CACNA2D1: variants seen among roughly 807,000 people sequenced by gnomAD.
CACNA2D1 encodes the protein voltage-dependent calcium channel subunit alpha-2/delta-1.
A neutral mutation model predicts 171.5 loss-of-function variants in CACNA2D1; 53 were observed. The observed-to-expected ratio is 0.31, with a 90% CI of 0.25 to 0.39. CACNA2D1 has a LOEUF of 0.39. Ranked by LOEUF, CACNA2D1 falls within the 10% of genes least tolerant of loss-of-function variation. The probability of loss-of-function intolerance (pLI) is 1.00; values close to 1 mark genes in which losing one functional copy is unlikely to be tolerated. For missense variants in CACNA2D1, 903 were observed against 1,299.8 expected, an observed-to-expected ratio of 0.69 and a Z score of 4.69; for synonymous variants, 442 against 443.1, an observed-to-expected ratio of 1.00 and a Z score of 0.03.
At chr7:82,350,054 A>G (rs1377811339) in intron 1 of CACNA2D1, among the ~76,000 whole-genome samples, 3 of 152,236 alleles carry the variant, frequency 2.0e-5, no homozygotes, top group African/African-American at 7.2e-5. Context: ...AAATGCAAGA[A>G]TAATTCCACC....
At chr7:82,232,854 A>G (rs1228623193) in intron 3 of CACNA2D1, among the ~76,000 whole-genome samples, 1 of 99,052 alleles carries the variant, frequency 1.0e-5, no homozygotes, top group Non-Finnish European at 1.9e-5. Context: ...ACAGAGCGAG[A>G]TGTCTCCAAA....
chr7:82,359,735 C>T (rs892038126), intron 1 of CACNA2D1, among the ~76,000 whole-genome samples: 2 of 152,122 alleles, frequency 1.3e-5, no homozygotes, highest in Non-Finnish European at 2.9e-5. Context: ...TACAGACATA[C>T]TGTTTTATAT....
chr7:82,165,433 C>A (rs1332234529), intron 4 of CACNA2D1, among the ~76,000 whole-genome samples: 1 of 151,910 alleles, frequency 6.6e-6, no homozygotes, highest in East Asian at 1.9e-4. Context: ...AACTGTGAAA[C>A]CAGTGTTTTT....
At chr7:82,306,519 C>T (rs1353874086) in intron 3 of CACNA2D1, among the ~76,000 whole-genome samples, 1 of 152,180 alleles carries the variant, frequency 6.6e-6, no homozygotes, top group Non-Finnish European at 1.5e-5. Context: ...CATGGACTAT[C>T]CATTGTCACA....
chr7:82,206,046 T>G (rs1184929563), intron 3 of CACNA2D1, among the ~76,000 whole-genome samples: 1 of 152,134 alleles, frequency 6.6e-6, no homozygotes, highest in East Asian at 1.9e-4. Context: ...ACAATTTGTT[T>G]CTGAAGTATA....
intron 3 of CACNA2D1, among the ~76,000 whole-genome samples, chr7:82,185,540 A>G (rs1183998549): frequency 4.7e-4 from 6 of 12,674 alleles, no homozygotes; most frequent in Non-Finnish European, 6.7e-4. Context: ...GAGGGGGAGG[A>G]AGGGGAGGGG....
At position 81,949,553 on chromosome 7, in the gene CACNA2D1, C is replaced by A. The variant is rs1052480982; in HGVS notation, c.*839G>T. 6.6e-6 allele frequency: 1 copy of A among 152,026 alleles called. No homozygotes were observed. The highest frequency in any genetic ancestry group is 2.4e-5 in the African/African-American group (1 of 41,392). The allele number at this position is 152,026 out of a possible 1,614,324, so 9.4% of individuals were successfully genotyped here. A position where few individuals can be genotyped will look rare whatever the true frequency, so the allele number is the denominator to read the frequency against. On this transcript the variant is annotated 3_prime_UTR_variant, in exon 39 of 39. Transcript: ENST00000356860. The stretch of plus-strand genomic sequence containing the variant: ...CACAAGAAAAACATTTCCCCCTCCC[C>A]CCTGACAAGCTTTTCTTAGAGCATT...
chr7:82,353,095 G>A (rs1386025397), intron 1 of CACNA2D1, among the ~76,000 whole-genome samples: 10 of 152,166 alleles, frequency 6.6e-5, no homozygotes, highest in Non-Finnish European at 7.3e-5. Flanking sequence ...AGCTTAAAGG[G>A]AGAACAGAAA....
chr7:82,011,451 G>C (rs74337968), intron 15 of CACNA2D1, among the ~76,000 whole-genome samples: 1 of 152,070 alleles, frequency 6.6e-6, no homozygotes, highest in African/African-American at 2.4e-5. Flanking sequence ...AATGAACTGT[G>C]AGGGGCAAAA....
intron 7 of CACNA2D1, among the ~76,000 whole-genome samples, chr7:82,080,870 G>A (rs145391961): frequency 6.8e-4 from 104 of 152,306 alleles, no homozygotes; most frequent in African/African-American, 2.3e-3. Flanking sequence ...TAAAGAGAAA[G>A]CTGCATTTAG....
intron 1 of CACNA2D1, among the ~76,000 whole-genome samples, chr7:82,421,936 T>C (rs1399495943): frequency 1.3e-5 from 2 of 152,174 alleles, no homozygotes; most frequent in African/African-American, 2.4e-5. Context: ...GTTTCATCCA[T>C]TTATATTCCT....
chr7:82,323,206 C>T (rs1040553040), intron 3 of CACNA2D1, among the ~76,000 whole-genome samples: 6 of 151,916 alleles, frequency 3.9e-5, no homozygotes, highest in African/African-American at 1.5e-4. Flanking sequence ...ACCCAAAACA[C>T]TATTAACTAG....
At chr7:82,176,628 A>G (rs959749978) in intron 3 of CACNA2D1, among the ~76,000 whole-genome samples, 1 of 151,834 alleles carries the variant, frequency 6.6e-6, no homozygotes, top group East Asian at 1.9e-4. Context: ...GGATGAGTTA[A>G]CTTTGGTACA....
intron 3 of CACNA2D1, among the ~76,000 whole-genome samples, chr7:82,332,870 A>T (rs971373257): frequency 9.9e-5 from 15 of 152,098 alleles, no homozygotes; most frequent in Middle Eastern, 3.2e-3. Flanking sequence ...GTGGTGGTAC[A>T]TGCCTGTAGT....
chr7:82,042,929 C>T (rs1464681220), intron 10 of CACNA2D1, among the ~76,000 whole-genome samples: 2 of 152,036 alleles, frequency 1.3e-5, no homozygotes, highest in African/African-American at 4.8e-5. Context: ...ATAAATAGAC[C>T]CCTCTATTGG....
intron 1 of CACNA2D1, among the ~76,000 whole-genome samples, chr7:82,358,015 A>G (rs2129446852): frequency 6.6e-6 from 1 of 152,276 alleles, no homozygotes; most frequent in Non-Finnish European, 1.5e-5. Context: ...ACCGAAGCAA[A>G]TAAGAGACAT....
At chr7:82,272,154 A>G (rs1339829041) in intron 3 of CACNA2D1, among the ~76,000 whole-genome samples, 1 of 152,208 alleles carries the variant, frequency 6.6e-6, no homozygotes, top group East Asian at 1.9e-4. Flanking sequence ...TATAAAACAT[A>G]AATAGAATCT....
At chr7:82,141,373 T>TA (rs1563108096) in intron 4 of CACNA2D1, among the ~76,000 whole-genome samples, 14 of 142,434 alleles carry the variant, frequency 9.8e-5, no homozygotes, top group South Asian at 2.3e-4. Flanking sequence ...GGGAGGAAAT[T>TA]TAAAAAAAAA....
chr7:82,245,660 T>TCA (rs1413247886), intron 3 of CACNA2D1, among the ~76,000 whole-genome samples: 26 of 139,440 alleles, frequency 1.9e-4, no homozygotes, highest in African/African-American at 5.8e-4. Flanking sequence ...TCTCTCTCTC[T>TCA]CTCACACACA....
Sources: gnomAD v4.1 joint callset for allele counts (sites outside exome capture counted in the v4.1 genomes callset) on GRCh38, gnomAD v4.1.1 for gene constraint, MANE v1.5 for transcripts, NCBI Gene and HGNC (gene_info 2026-07-23, HGNC 2026-07-21) for gene names.